The following C7orf57 variants were observed in gnomAD, a reference collection of about 807,000 sequenced individuals.
The protein encoded by C7orf57 is chromosome 7 open reading frame 57.
C7orf57 carries 33 observed loss-of-function variants against 39.0 expected under a neutral mutation model. That is an observed-to-expected ratio of 0.85 (90% CI 0.64 to 1.13). The LOEUF is 1.13. Ranked by LOEUF, C7orf57 falls within the 50% of genes most tolerant of loss-of-function variation. The pLI is 0.00. For missense variants in C7orf57, 346 were observed against 362.3 expected, an observed-to-expected ratio of 0.95 and a Z score of 0.37; for synonymous variants, 124 against 137.1, an observed-to-expected ratio of 0.90 and a Z score of 0.67.
chr7:48,041,278 T>G, intron 2 of C7orf57, 56 bp from the exon 3 acceptor site: 2 of 1,530,170 alleles, frequency 1.3e-6, no homozygotes, highest in South Asian at 2.5e-5. Flanking sequence ...GGTAGAGGCC[T>G]AGAGGCCACC....
intron 6 of C7orf57, among the ~76,000 whole-genome samples, chr7:48,052,478 G>A (rs1268491232): frequency 6.6e-6 from 1 of 152,076 alleles, no homozygotes. Context: ...ACATGCACTT[G>A]CTATGCTTAA....
intron 2 of C7orf57, 89 bp downstream of exon 2, chr7:48,036,452 T>C: frequency 1.6e-6 from 2 of 1,275,186 alleles, no homozygotes; most frequent in Non-Finnish European, 1.1e-6. Context: ...ACGTCCTCTA[T>C]GTGGGCTGGA....
At chr7:48,051,799 C>A (rs754967093) in intron 6 of C7orf57, among the ~76,000 whole-genome samples, 3 of 37,492 alleles carry the variant, frequency 8.0e-5, no homozygotes, top group Admixed American at 3.2e-4. Flanking sequence ...TCTTTCTTTC[C>A]TTCCTTCCTT....
At chr7:48,041,960 A>T (rs1255423235) in intron 3 of C7orf57, among the ~76,000 whole-genome samples, 1 of 152,240 alleles carries the variant, frequency 6.6e-6, no homozygotes, top group Non-Finnish European at 1.5e-5. Context: ...TGAAGACCAT[A>T]GAGGAGTTTC....
chr7:48,054,414 A>G (rs901776457), intron 7 of C7orf57, among the ~76,000 whole-genome samples, 181 bp from the exon 8 acceptor site: 2 of 74,504 alleles, frequency 2.7e-5, no homozygotes, highest in South Asian at 9.5e-4. Flanking sequence ...AACTCTCTCA[A>G]AAAAAAAAAA....
chr7:48,052,987 G>C (rs1241067553), intron 7 of C7orf57, 64 bp downstream of exon 7: 2 of 1,304,832 alleles, frequency 1.5e-6, no homozygotes, highest in African/African-American at 2.9e-5. Context: ...AGCAGCTGAC[G>C]TTCTTATCAC....
rs1334037602 is a variant in C7orf57 at position 48,053,095 on chromosome 7, T to C, written c.829+172T>C. Reference sequence around the variant, plus strand: ...CAGATAAGCAAGAGAGTAATACATGTTTTGCTCTTTCCTCTTTATTCAAAT... The same window carrying C: ...CAGATAAGCAAGAGAGTAATACATGCTTTGCTCTTTCCTCTTTATTCAAAT... On this transcript the variant is annotated intron_variant, in intron 7 of 8. Coordinates refer to ENST00000348904, the MANE Select transcript of C7orf57 (RefSeq NM_001100159.3). 4 of 704,078 alleles carry C rather than the reference T, an allele frequency of 5.7e-6. No homozygotes were observed. In the Admixed American group the frequency reaches 8.0e-5, roughly 14 times the overall value. 43.6% of individuals were successfully genotyped at this position (704,078 alleles called of 1,614,324 possible).
intron 8 of C7orf57, 88 bp from the exon 9 acceptor site, chr7:48,060,138 T>A: frequency 1.2e-6 from 1 of 866,496 alleles, no homozygotes; most frequent in Non-Finnish European, 1.8e-6. Context: ...GGTACAAAAC[T>A]ATGTGTTTTC....
At chr7:48,054,152 C>T (rs1007881261) in intron 7 of C7orf57, among the ~76,000 whole-genome samples, 13 of 152,326 alleles carry the variant, frequency 8.5e-5, no homozygotes, top group South Asian at 6.2e-4. Flanking sequence ...TGGTGGCTCA[C>T]GCCTGTAATC....
At chr7:48,043,274 C>A (rs1790604492) in intron 3 of C7orf57, among the ~76,000 whole-genome samples, 1 of 152,116 alleles carries the variant, frequency 6.6e-6, no homozygotes, top group African/African-American at 2.4e-5. Context: ...ACAGGATGTC[C>A]CTGCCTGAGC....
In C7orf57 at chr7:48,052,914, G is replaced by T; in HGVS notation, c.820G>T (p.Asp274Tyr). 6.2e-7 allele frequency: 1 copy of T among 1,613,254 alleles called. No homozygotes were observed. The highest frequency in any genetic ancestry group is 2.2e-5 in the East Asian group (1 of 44,872). ...QDAEASEGPEDTPESSQSPEE... is the reference protein window; with the variant it reads ...QDAEASEGPEYTPESSQSPEE... ...TGCAGAGGCTTCTGAAGGTCCTGAG[G>T]ACACCCCAGGTGAGGCACAAGCAGC... Residue 274 changes from aspartate to tyrosine, a missense_variant, in exon 7 of 9, where the codon GAC (aspartate) becomes TAC (tyrosine). Transcript: ENST00000348904.
Position 48,056,915 on chromosome 7 carries a change from C to A in C7orf57, c.841+2309C>A, listed in dbSNP as rs78393816. Among the ~76,000 whole-genome samples, 451 of 152,148 alleles carry A rather than the reference C, an allele frequency of 3.0e-3. 2 individuals carry two copies. Among genetic ancestry groups the A allele is most frequent in the Middle Eastern group, 0.014 (4 of 294 alleles). On this transcript the variant is annotated intron_variant, in intron 8 of 8. Transcript: ENST00000348904. Reference sequence around the variant, plus strand: ...TTTCCCTCATTGTGTGTTCTTGGCACCTTTGTTGAAAATTAATTGACTGTT... The same window carrying A: ...TTTCCCTCATTGTGTGTTCTTGGCAACTTTGTTGAAAATTAATTGACTGTT...
intron 8 of C7orf57, among the ~76,000 whole-genome samples, chr7:48,055,585 T>G (rs1191906606): frequency 6.6e-6 from 1 of 152,210 alleles, no homozygotes; most frequent in Non-Finnish European, 1.5e-5. Flanking sequence ...AAGGGAAACT[T>G]GGCACCCTTT....
chr7:48,036,429 C>A, intron 2 of C7orf57, 66 bp downstream of exon 2: 1 of 1,409,092 alleles, frequency 7.1e-7, no homozygotes, highest in Admixed American at 2.6e-5. Context: ...TTGCTAGACA[C>A]GCTGTGGACC....
intron 8 of C7orf57, among the ~76,000 whole-genome samples, chr7:48,058,337 GT>G (rs2128799955): frequency 6.6e-6 from 1 of 151,958 alleles, no homozygotes; most frequent in South Asian, 2.1e-4. Context: ...GGGCTTTTCT[GT>G]GATGGGAGAG....
chr7:48,040,644 G>T (rs1052569834), intron 2 of C7orf57, among the ~76,000 whole-genome samples: 1 of 152,086 alleles, frequency 6.6e-6, no homozygotes, highest in Non-Finnish European at 1.5e-5. Flanking sequence ...AAGGTGAGAT[G>T]AATTCTCATG....
rs369493864 is a variant in C7orf57 at position 48,041,549 on chromosome 7, G to A, written c.241+30G>A. 7.0e-5 allele frequency: 106 copies of A among 1,522,844 alleles called. 1 individual carries two copies. Among genetic ancestry groups the A allele is most frequent in the East Asian group, 5.4e-4 (23 of 42,822 alleles). 94.3% of individuals were successfully genotyped at this position (1,522,844 alleles called of 1,614,324 possible). A position where few individuals can be genotyped will look rare whatever the true frequency, so the allele number is the denominator to read the frequency against. The stretch of plus-strand genomic sequence containing the variant: ...GCCCCCTCCTGCCCTGTTCAGTGTG[G>A]CAGCCTCGCGGGCGGTGAGGGGGGC... On this transcript the variant is annotated intron_variant, in intron 3 of 8. Transcript: ENST00000348904.
intron 5 of C7orf57, among the ~76,000 whole-genome samples, chr7:48,047,541 T>C (rs1308539410): frequency 6.6e-6 from 1 of 152,182 alleles, no homozygotes; most frequent in Non-Finnish European, 1.5e-5. Context: ...TTTTGGGGAC[T>C]TGAGTAGCTG....
intron 2 of C7orf57, among the ~76,000 whole-genome samples, chr7:48,039,895 A>G (rs1335535293): frequency 6.6e-6 from 1 of 151,936 alleles, no homozygotes; most frequent in Non-Finnish European, 1.5e-5. Context: ...CATTAATTGC[A>G]TCTTTTGTAT....
Sources: gnomAD v4.1 joint callset for allele counts (sites outside exome capture counted in the v4.1 genomes callset) on GRCh38, gnomAD v4.1.1 for gene constraint, MANE v1.5 for transcripts, NCBI Gene and HGNC (gene_info 2026-07-23, HGNC 2026-07-21) for gene names.